The following MYO1B variants were observed in gnomAD, a reference collection of about 807,000 sequenced individuals.
The protein encoded by MYO1B is unconventional myosin-Ib.
In MYO1B, 72 loss-of-function variants were observed where a neutral mutation model predicts 159.7. That is an observed-to-expected ratio of 0.45 (90% confidence interval 0.37 to 0.55). The LOEUF (loss-of-function observed/expected upper bound fraction) is 0.55, where lower values mean the gene tolerates loss of function less well. Among genes scored for constraint, MYO1B ranks in the 20% least tolerant of loss-of-function variants. The pLI is 0.00. For synonymous variants in MYO1B, 468 were observed against 473.8 expected (o/e 0.99, Z 0.16); for missense variants, 1,062 against 1,364.8 (o/e 0.78, Z 3.50).
At position 191,262,063 on chromosome 2, in the gene MYO1B, C is replaced by T. The variant is rs549004261; in HGVS notation, c.-9-14824C>T. Among the ~76,000 whole-genome samples, 3 of 152,282 alleles carry T rather than the reference C, an allele frequency of 2.0e-5. No homozygotes were observed. The South Asian group carries it at 6.2e-4, about 32-fold the overall frequency. The stretch of plus-strand genomic sequence containing the variant: ...TCTTCCACCTCTGTCAAATTAGTTT[C>T]CCACCTTTTATGATAGACTCATCTG... On this transcript the variant is annotated intron_variant, in intron 1 of 30. Coordinates refer to ENST00000392318, the MANE Select transcript of MYO1B (RefSeq NM_001130158.3).
chr2:191,416,448 G>A, intron 30 of MYO1B: 1 of 567,908 alleles, frequency 1.8e-6, no homozygotes, highest in Non-Finnish European at 3.1e-6. Flanking sequence ...AGACCAGTAT[G>A]TACAAATAAA....
At chr2:191,307,920 A>G (rs888245402) in intron 3 of MYO1B, among the ~76,000 whole-genome samples, 2 of 152,174 alleles carry the variant, frequency 1.3e-5, no homozygotes, top group Non-Finnish European at 2.9e-5. Context: ...CACTCTGGGA[A>G]TACCACCTTC....
At chr2:191,278,499 T>C (rs1191569103) in intron 2 of MYO1B, among the ~76,000 whole-genome samples, 4 of 152,246 alleles carry the variant, frequency 2.6e-5, no homozygotes, top group Non-Finnish European at 4.4e-5. Context: ...CCTCTAGGAA[T>C]TGACCTTTTC....
At chr2:191,375,971 A>G (rs984511824) in intron 13 of MYO1B, among the ~76,000 whole-genome samples, 3 of 152,072 alleles carry the variant, frequency 2.0e-5, no homozygotes, top group Non-Finnish European at 4.4e-5. Context: ...AAAAAAAAAA[A>G]AAATTCAAAC....
chr2:191,300,292 CTT>C (rs10532457), intron 3 of MYO1B, among the ~76,000 whole-genome samples: 80,091 of 151,322 alleles, frequency 0.53, 21,912 homozygotes, highest in East Asian at 0.65. Flanking sequence ...ACTTTGAAAA[CTT>C]TGCCAATTAA....
chr2:191,350,290 A>G, intron 7 of MYO1B, 65 bp downstream of exon 7: 1 of 1,180,768 alleles, frequency 8.5e-7, no homozygotes. Context: ...TTATAGTAGA[A>G]TAGTTTAGAT....
At chr2:191,408,481 C>T (rs1032969819) in intron 25 of MYO1B, among the ~76,000 whole-genome samples, 1 of 152,266 alleles carries the variant, frequency 6.6e-6, no homozygotes, top group East Asian at 1.9e-4. Context: ...AAAGCCATGA[C>T]TTTACCCTGT....
rs113654636 is a variant in MYO1B, at chr2:191,247,584, C to T, written c.-10+1958C>T. On this transcript the variant is annotated intron_variant, in intron 1 of 30. Coordinates refer to ENST00000392318, the MANE Select transcript of MYO1B (RefSeq NM_001130158.3). ...TCAAGCTGTTTGTCATTAGAACTAACACACTGCCTGGCAAAACGTTGTGCT... is the reference window on the plus strand; with the variant it reads ...TCAAGCTGTTTGTCATTAGAACTAATACACTGCCTGGCAAAACGTTGTGCT... Among the ~76,000 whole-genome samples the T allele has an allele frequency of 6.3e-3, 963 of 152,328 alleles. 11 individuals are homozygous for T. The highest frequency in any genetic ancestry group is 0.022 in the African/African-American group (934 of 41,562).
At position 191,369,496 on chromosome 2, in the gene MYO1B, T is replaced by C. The variant is rs1208794066; in HGVS notation, c.1033-46T>C. ...TTTATGATTTTATTAAAAGTAAGCA[T>C]TGTGGAATTGTGGGTGTTAAGTTTT... On this transcript the variant is annotated intron_variant, in intron 11 of 30. Coordinates refer to ENST00000392318, the MANE Select transcript of MYO1B (RefSeq NM_001130158.3). The C allele has an allele frequency of 3.1e-6, 4 of 1,298,284 alleles. No individual in the cohort carries two copies. In the South Asian group the frequency reaches 4.9e-5, roughly 16 times the overall value. 80.4% of individuals were successfully genotyped at this position (1,298,284 alleles called of 1,614,324 possible).
At chr2:191,310,080 G>C (rs940048058) in intron 3 of MYO1B, among the ~76,000 whole-genome samples, 6 of 152,186 alleles carry the variant, frequency 3.9e-5, no homozygotes, top group Non-Finnish European at 7.3e-5. Context: ...TCTAGTTGTG[G>C]GTTGGGGGTA....
At chr2:191,246,733 G>C (rs957337871) in intron 1 of MYO1B, among the ~76,000 whole-genome samples, 1 of 152,158 alleles carries the variant, frequency 6.6e-6, no homozygotes, top group Non-Finnish European at 1.5e-5. Flanking sequence ...TAGTACAACA[G>C]TTTTCCAGGA....
At chr2:191,248,912 G>A (rs574040725) in intron 1 of MYO1B, among the ~76,000 whole-genome samples, 82 of 152,308 alleles carry the variant, frequency 5.4e-4, no homozygotes, top group Non-Finnish European at 9.6e-4. Context: ...ACCACTGTGA[G>A]ATAGGTTTGG....
At chr2:191,409,940 C>T (rs1209650402) in intron 26 of MYO1B, among the ~76,000 whole-genome samples, 1 of 152,154 alleles carries the variant, frequency 6.6e-6, no homozygotes, top group Non-Finnish European at 1.5e-5. Context: ...TCAGTACACA[C>T]ATCCTCCAGG....
At chr2:191,393,309 A>G (rs978089760) in intron 20 of MYO1B, 87 bp downstream of exon 20, 5 of 1,436,280 alleles carry the variant, frequency 3.5e-6, no homozygotes, top group East Asian at 2.4e-5. Context: ...TGATTTTTAC[A>G]TACTTAATTC....
chr2:191,376,727 A>C (rs143062553), intron 13 of MYO1B, among the ~76,000 whole-genome samples: 1 of 152,228 alleles, frequency 6.6e-6, no homozygotes, highest in African/African-American at 2.4e-5. Flanking sequence ...TTTCAAATAC[A>C]TTATATTCAC....
intron 24 of MYO1B, among the ~76,000 whole-genome samples, chr2:191,407,125 T>C (rs567073691): frequency 5.8e-4 from 88 of 152,370 alleles, no homozygotes; most frequent in Non-Finnish European, 9.7e-4. Context: ...TAGACAACTT[T>C]AAGAGAAATC....
chr2:191,358,009 G>A (rs1693411724), intron 7 of MYO1B, among the ~76,000 whole-genome samples: 1 of 152,172 alleles, frequency 6.6e-6, no homozygotes, highest in Non-Finnish European at 1.5e-5. Context: ...CAACTGCTTT[G>A]TAATGAAAGA....
chr2:191,341,850 G>A (rs1037415443), intron 5 of MYO1B, among the ~76,000 whole-genome samples: 1 of 152,110 alleles, frequency 6.6e-6, no homozygotes, highest in African/African-American at 2.4e-5. Flanking sequence ...ATAATCAACT[G>A]ATCATTTGCA....
At chr2:191,354,623 G>A (rs1041924984) in intron 7 of MYO1B, among the ~76,000 whole-genome samples, 5 of 151,824 alleles carry the variant, frequency 3.3e-5, no homozygotes, top group Non-Finnish European at 5.9e-5. Context: ...ACAACCCCCC[G>A]CCCCCTACAA....
Sources: allele counts gnomAD v4.1 joint callset (sites outside exome capture counted in the v4.1 genomes callset), GRCh38; gene constraint gnomAD v4.1.1; transcripts MANE v1.5; gene names NCBI Gene and HGNC (gene_info 2026-07-23, HGNC 2026-07-21).